Variants in NRG3 observed in about 807,000 individuals in gnomAD.
NRG3 encodes neuregulin 3.
A neutral mutation model predicts 66.9 loss-of-function variants in NRG3; 31 were observed. The observed-to-expected ratio is 0.46, with a 90% CI of 0.35 to 0.63. The LOEUF (loss-of-function observed/expected upper bound fraction) is 0.63, where lower values mean the gene tolerates loss of function less well. NRG3 is among the 20% of genes least tolerant of loss of function. NRG3 has a pLI of 0.00. For missense variants in NRG3, 910 were observed against 878.9 expected (o/e 1.04, Z -0.45); for synonymous variants, 393 against 359.4 (o/e 1.09, Z -1.06).
At chr10:81,886,058 G>A (rs1467837176) in intron 1 of NRG3, among the ~76,000 whole-genome samples, 1 of 152,094 alleles carries the variant, frequency 6.6e-6, no homozygotes, top group Non-Finnish European at 1.5e-5. Flanking sequence ...GCTAATGCAC[G>A]CGGGGCTTAA....
At chr10:82,927,842 C>G (rs1003940595) in intron 4 of NRG3, among the ~76,000 whole-genome samples, 1 of 152,112 alleles carries the variant, frequency 6.6e-6, no homozygotes, top group East Asian at 1.9e-4. Flanking sequence ...GATTTATAAT[C>G]CTTTGGCTAT....
At chr10:82,070,393 A>G (rs1457899553) in intron 1 of NRG3, among the ~76,000 whole-genome samples, 1 of 152,186 alleles carries the variant, frequency 6.6e-6, no homozygotes, top group Non-Finnish European at 1.5e-5. Flanking sequence ...GGCTTAAGTT[A>G]AACTTGTAAT....
intron 1 of NRG3, among the ~76,000 whole-genome samples, chr10:81,928,415 A>G (rs1042420869): frequency 6.6e-6 from 1 of 152,226 alleles, no homozygotes; most frequent in Non-Finnish European, 1.5e-5. Context: ...GACCAACTAC[A>G]TTTGGGTCTT....
intron 2 of NRG3, among the ~76,000 whole-genome samples, chr10:82,397,000 T>A (rs1300738356): frequency 3.3e-5 from 5 of 152,194 alleles, no homozygotes; most frequent in African/African-American, 4.8e-5. Flanking sequence ...CTCATTCTTG[T>A]CTTTCTGTGA....
chr10:82,309,090 C>A (rs2080892481), intron 1 of NRG3, among the ~76,000 whole-genome samples: 1 of 152,164 alleles, frequency 6.6e-6, no homozygotes, highest in South Asian at 2.1e-4. Context: ...ACAGGTCTTG[C>A]CAATATCCAC....
intron 1 of NRG3, chr10:81,878,004 G>A (rs1414948803): frequency 6.5e-7 from 1 of 1,537,740 alleles, no homozygotes; most frequent in South Asian, 1.2e-5. Flanking sequence ...GTTGGGAGAG[G>A]AGGGGGACTA....
Position 82,091,894 on chromosome 10 carries a change from T to C in NRG3, c.823+215731T>C, listed in dbSNP as rs1403079550. ...AGTTGGATTTGCACTTTCCCAGTAG[T>C]CAATTATGTTGAGTGTCCCCTCATG... On this transcript the variant is annotated intron_variant, in intron 1 of 8. Coordinates refer to ENST00000372141, the MANE Select transcript of NRG3 (RefSeq NM_001010848.4). Among the ~76,000 whole-genome samples, 4 of 152,310 alleles carry C rather than the reference T, an allele frequency of 2.6e-5. No homozygotes were observed. The East Asian group carries it at 7.7e-4, about 29-fold the overall frequency.
At chr10:82,559,917 T>C (rs2044918152) in intron 2 of NRG3, among the ~76,000 whole-genome samples, 1 of 152,034 alleles carries the variant, frequency 6.6e-6, no homozygotes. Context: ...AAAACACTTG[T>C]AAATAAAAAA....
At chr10:81,914,294 A>G (rs1217642175) in intron 1 of NRG3, among the ~76,000 whole-genome samples, 1 of 152,058 alleles carries the variant, frequency 6.6e-6, no homozygotes, top group Non-Finnish European at 1.5e-5. Context: ...AGCACTCACA[A>G]CTCCAAGGAC....
At chr10:81,978,959 G>A (rs1175771480) in intron 1 of NRG3, among the ~76,000 whole-genome samples, 1 of 152,074 alleles carries the variant, frequency 6.6e-6, no homozygotes, top group East Asian at 1.9e-4. Context: ...GGGAGGCCGA[G>A]GTGGGCGGAT....
At chr10:82,127,738 A>T (rs766868116) in intron 1 of NRG3, among the ~76,000 whole-genome samples, 1 of 151,676 alleles carries the variant, frequency 6.6e-6, no homozygotes, top group Non-Finnish European at 1.5e-5. Flanking sequence ...CCCAGGGTGG[A>T]CTCCTTAGCC....
intron 1 of NRG3, among the ~76,000 whole-genome samples, chr10:82,259,880 T>C (rs1470673977): frequency 4.6e-5 from 7 of 151,994 alleles, no homozygotes; most frequent in Non-Finnish European, 7.4e-5. Flanking sequence ...TACCATGAGA[T>C]ATAATTACAC....
rs1194933312 is a variant in NRG3 at position 82,543,399 on chromosome 10, T to C, written c.953+184531T>C. ...CAGGAAAAAAATATAAATTTTGTAC[T>C]ATTTTTGTAAATTCAAGATGAAAAA... is the stretch of plus-strand genomic sequence containing the variant. On this transcript the variant is annotated intron_variant, in intron 2 of 8. Transcript: ENST00000372141. Among the ~76,000 whole-genome samples, 3 of 152,218 alleles carry C rather than the reference T, an allele frequency of 2.0e-5. No individual in the cohort carries two copies. The East Asian group carries it at 5.8e-4, about 29-fold the overall frequency.
At chr10:82,045,226 C>G (rs1158827281) in intron 1 of NRG3, among the ~76,000 whole-genome samples, 8 of 27,030 alleles carry the variant, frequency 3.0e-4, no homozygotes, top group African/African-American at 4.2e-4. Flanking sequence ...TCTCCAGCAC[C>G]TGTTGTTTCC....
chr10:82,247,470 C>T (rs184925501), intron 1 of NRG3, among the ~76,000 whole-genome samples: 126 of 152,120 alleles, frequency 8.3e-4, no homozygotes, highest in Admixed American at 1.2e-3. Context: ...TTACTGATGA[C>T]GTAATTACCT....
chr10:82,424,104 G>T (rs1381378524), intron 2 of NRG3, among the ~76,000 whole-genome samples: 2 of 151,832 alleles, frequency 1.3e-5, no homozygotes, highest in East Asian at 3.9e-4. Flanking sequence ...ATAGACATTT[G>T]CCCAAAAGTT....
At chr10:82,268,737 A>G (rs1391041993) in intron 1 of NRG3, among the ~76,000 whole-genome samples, 1 of 152,072 alleles carries the variant, frequency 6.6e-6, no homozygotes, top group Non-Finnish European at 1.5e-5. Flanking sequence ...ATGCAAAGCT[A>G]GACTACAAGA....
intron 3 of NRG3, among the ~76,000 whole-genome samples, chr10:82,827,949 T>C (rs2062318674): frequency 6.6e-6 from 1 of 152,208 alleles, no homozygotes; most frequent in African/African-American, 2.4e-5. Context: ...CTTTTTTTAA[T>C]TCTTTGCATG....
chr10:82,489,955 A>G (rs988069708), intron 2 of NRG3, among the ~76,000 whole-genome samples: 13 of 152,252 alleles, frequency 8.5e-5, no homozygotes, highest in Non-Finnish European at 1.5e-4. Flanking sequence ...GTCATTTTCA[A>G]CCTCATACCT....
Sources: gnomAD v4.1 joint callset for allele counts (sites outside exome capture counted in the v4.1 genomes callset) on GRCh38, gnomAD v4.1.1 for gene constraint, MANE v1.5 for transcripts, NCBI Gene and HGNC (gene_info 2026-07-23, HGNC 2026-07-21) for gene names.